Variants in GGTA1 observed in about 807,000 individuals in gnomAD.
GGTA1 encodes the protein glycoprotein alpha-galactosyltransferase 1 (inactive).
In GGTA1, 5 loss-of-function variants were observed where a neutral mutation model predicts 2.6. The ratio of observed to expected loss-of-function variants is 1.92; its 90% CI spans 1.00 to 4.04. GGTA1 has a LOEUF of 4.04. Ranked by LOEUF, GGTA1 falls within the 30% of genes most tolerant of loss-of-function variation. The probability of loss-of-function intolerance (pLI) is 0.00; values close to 1 mark genes in which losing one functional copy is unlikely to be tolerated. For synonymous variants in GGTA1, 17 were observed against 5.0 expected (o/e 3.38, Z -3.19); for missense variants, 50 against 16.7 (o/e 2.99, Z -3.47).
intron 1 of GGTA1, among the ~76,000 whole-genome samples, chr9:121,499,103 A>G (rs1417001671): frequency 6.6e-6 from 1 of 151,798 alleles, no homozygotes; most frequent in Non-Finnish European, 1.5e-5. Flanking sequence ...TGGGCGTCTG[A>G]CTGAGTCCTC....
intron 1 of GGTA1, 83 bp from the exon 2 acceptor site, chr9:121,468,014 A>G (rs1257335571): frequency 7.3e-6 from 3 of 412,634 alleles, no homozygotes; most frequent in Non-Finnish European, 1.4e-5. Context: ...AAATGCTTTT[A>G]CCCCGTTCTT....
chr9:121,482,578 G>A (rs1828675096), intron 1 of GGTA1, among the ~76,000 whole-genome samples: 1 of 152,126 alleles, frequency 6.6e-6, no homozygotes, highest in Non-Finnish European at 1.5e-5. Flanking sequence ...AGACCAGCCT[G>A]GCCAACATGG....
chr9:121,490,204 G>A (rs1407976420), intron 1 of GGTA1, among the ~76,000 whole-genome samples: 1 of 152,190 alleles, frequency 6.6e-6, no homozygotes, highest in East Asian at 1.9e-4. Context: ...AATGATAACA[G>A]CACAGCCATT....
At chr9:121,492,003 C>T (rs1828879202) in intron 1 of GGTA1, among the ~76,000 whole-genome samples, 1 of 152,072 alleles carries the variant, frequency 6.6e-6, no homozygotes. Context: ...TAGCCCAGGA[C>T]CTAGTAGGTG....
At chr9:121,449,534 G>A (rs1263845002) in intron 7 of GGTA1, among the ~76,000 whole-genome samples, 1 of 152,110 alleles carries the variant, frequency 6.6e-6, no homozygotes. Context: ...CTATTCATTT[G>A]AAAAGCATTG....
intron 3 of GGTA1, among the ~76,000 whole-genome samples, chr9:121,462,371 G>C (rs1388849078): frequency 6.6e-6 from 1 of 151,932 alleles, no homozygotes; most frequent in Non-Finnish European, 1.5e-5. Flanking sequence ...AGAAAAGGTG[G>C]GTGCCTTCTG....
At chr9:121,445,982 A>C (rs2064850566) in exon 8 of GGTA1, 1 of 152,186 alleles carries the variant, frequency 6.6e-6, no homozygotes, top group Non-Finnish European at 1.5e-5. Flanking sequence ...CACCATCCAC[A>C]TCTCTTTACC....
chr9:121,485,049 T>G (rs952158346), intron 1 of GGTA1, among the ~76,000 whole-genome samples: 3 of 152,222 alleles, frequency 2.0e-5, no homozygotes, highest in African/African-American at 7.2e-5. Context: ...TTCCTTCTGC[T>G]TCTGGAAAAT....
At chr9:121,481,973 G>T (rs1449672531) in intron 1 of GGTA1, among the ~76,000 whole-genome samples, 1 of 151,150 alleles carries the variant, frequency 6.6e-6, no homozygotes, top group Non-Finnish European at 1.5e-5. Context: ...TCCAGCCTGG[G>T]CAACAAAAGC....
At chr9:121,484,802 C>T (rs902646660) in intron 1 of GGTA1, among the ~76,000 whole-genome samples, 6 of 152,192 alleles carry the variant, frequency 3.9e-5, no homozygotes, top group African/African-American at 1.4e-4. Flanking sequence ...AAATGACACG[C>T]AGAGTGATCC....
exon 8 of GGTA1, chr9:121,447,553 C>T (rs1433618844): frequency 1.3e-5 from 2 of 152,494 alleles, no homozygotes; most frequent in African/African-American, 4.8e-5. Context: ...CATGAAGTAC[C>T]TATTAGCAGA....
chr9:121,452,458 T>A (rs2064882799), downstream of GGTA1, among the ~76,000 whole-genome samples: 1 of 152,132 alleles, frequency 6.6e-6, no homozygotes, highest in Admixed American at 6.6e-5. Flanking sequence ...TAGCATCTTC[T>A]GGGTAAGGAA....
At position 121,467,907 on chromosome 9, in the gene GGTA1, T is replaced by G. The variant is rs980374410; in HGVS notation, c.16A>C (p.Lys6Gln). MNVKG[K>Q]VILSMLVVST... ...ACAACCAGCATTGACAGAATTACTT[T>G]TCCTTTGACATTCATTATTTTCTCC... Residue 6 changes from lysine (K) to glutamine (Q), a missense_variant, in exon 2 of 6, where the codon AAA (lysine) becomes CAA (glutamine). Transcript: ENST00000481799. The G allele has an allele frequency of 1.3e-5, 6 of 456,342 alleles. No individual in the cohort carries two copies. The highest frequency in any genetic ancestry group is 2.4e-5 in the Admixed American group (1 of 42,500). The allele number at this position is 456,342 out of a possible 1,614,324, so 28.3% of individuals were successfully genotyped here.
downstream of GGTA1, among the ~76,000 whole-genome samples, chr9:121,454,175 G>A (rs190955196): frequency 9.8e-5 from 15 of 152,296 alleles, no homozygotes; most frequent in South Asian, 1.5e-3. Flanking sequence ...AGCACCCCAG[G>A]TACGCCTGCT....
At chr9:121,447,815 G>T (rs1035456884) in intron 7 of GGTA1, among the ~76,000 whole-genome samples, 1 of 151,998 alleles carries the variant, frequency 6.6e-6, no homozygotes, top group East Asian at 1.9e-4. Context: ...TAATACCCCG[G>T]CTACTCTCCA....
chr9:121,480,046 T>TTC (rs1564655959), intron 1 of GGTA1, among the ~76,000 whole-genome samples: 1 of 147,538 alleles, frequency 6.8e-6, no homozygotes, highest in African/African-American at 2.5e-5. Context: ...TTTCTTTCTT[T>TTC]TTTTCTTTTC....
At chr9:121,448,766 C>G (rs2064864135) in intron 7 of GGTA1, among the ~76,000 whole-genome samples, 1 of 152,172 alleles carries the variant, frequency 6.6e-6, no homozygotes, top group Admixed American at 6.5e-5. Context: ...TATCAACATC[C>G]CTGCACCAGA....
At chr9:121,491,620 C>CT (rs1333529478) in intron 1 of GGTA1, among the ~76,000 whole-genome samples, 1 of 145,806 alleles carries the variant, frequency 6.9e-6, no homozygotes, top group Non-Finnish European at 1.5e-5. Flanking sequence ...TTCTTGTTTT[C>CT]TTTTTTTGAG....
At chr9:121,453,114 T>G (rs1305265982), downstream of GGTA1, among the ~76,000 whole-genome samples, 1 of 152,250 alleles carries the variant, frequency 6.6e-6, no homozygotes, top group East Asian at 1.9e-4. Context: ...GGTGGGAACC[T>G]GGTCATTGGA....
Sources: allele counts gnomAD v4.1 joint callset (sites outside exome capture counted in the v4.1 genomes callset), GRCh38; gene constraint gnomAD v4.1.1; transcripts MANE v1.5; gene names NCBI Gene and HGNC (gene_info 2026-07-23, HGNC 2026-07-21).